Variants in KEL observed in about 807,000 individuals in gnomAD.
KEL encodes the protein kell blood group glycoprotein.
KEL carries 96 observed loss-of-function variants against 99.5 expected under a neutral mutation model. That is an observed-to-expected ratio of 0.97 (90% CI 0.82 to 1.14). KEL has a LOEUF of 1.14. Ranked by LOEUF, KEL falls within the 50% of genes most tolerant of loss-of-function variation. The pLI, the probability that KEL is intolerant of heterozygous loss-of-function variation, is 0.00. For missense variants in KEL, 926 were observed against 924.2 expected, an observed-to-expected ratio of 1.00 and a Z score of -0.03; for synonymous variants, 355 against 354.8, an observed-to-expected ratio of 1.00 and a Z score of -0.01.
chr7:142,953,200 G>C (rs917687197), intron 9 of KEL: 11 of 238,432 alleles, frequency 4.6e-5, no homozygotes, highest in Non-Finnish European at 6.8e-5. Context: ...AGGTATCAGG[G>C]GAGGCAGAGA....
chr7:142,957,879 A>T lies in KEL; in HGVS notation c.620T>A (p.Phe207Tyr). The T allele has an allele frequency of 1.9e-6, 3 of 1,614,122 alleles. No individual in the cohort carries two copies. Among genetic ancestry groups the T allele is most frequent in the Middle Eastern group, 1.7e-4 (1 of 6,058 alleles). The change falls in exon 6 of 19, where the codon TTC (phenylalanine) becomes TAC (tyrosine). Residue 207 changes from phenylalanine to tyrosine, a missense_variant. Transcript: ENST00000355265. Reference protein sequence around the residue: ...LMSQYGHFPFFRAYLGPHPAS... With the variant: ...LMSQYGHFPFYRAYLGPHPAS... Reference sequence around the variant, plus strand: ...AGGATGAGGTCCTAGGTAGGCTCTGAAGAAAGGGAAATGGCCATACTGACT... The same window carrying T: ...AGGATGAGGTCCTAGGTAGGCTCTGTAGAAAGGGAAATGGCCATACTGACT...
intron 15 of KEL, 30 bp from the exon 16 acceptor site, chr7:142,943,373 A>G (rs1201504356): frequency 2.7e-5 from 43 of 1,613,356 alleles, no homozygotes; most frequent in Non-Finnish European, 3.6e-5. Context: ...TTTGACCCCC[A>G]GAATCTCTCA....
At chr7:142,944,776 A>G in intron 11 of KEL, 35 bp from the exon 12 acceptor site, 1 of 1,528,192 alleles carries the variant, frequency 6.5e-7, no homozygotes, top group South Asian at 1.1e-5. Flanking sequence ...GGGGGACAGG[A>G]TCAGGAGAGG....
At chr7:142,952,233 A>G (rs1391544062) in intron 10 of KEL, among the ~76,000 whole-genome samples, 1 of 152,158 alleles carries the variant, frequency 6.6e-6, no homozygotes, top group Admixed American at 6.5e-5. Flanking sequence ...CAGTTTTGAT[A>G]ATATCAGAGT....
intron 8 of KEL, 112 bp from the exon 9 acceptor site, chr7:142,954,068 G>A (rs1043482983): frequency 1.2e-5 from 17 of 1,411,482 alleles, no homozygotes; most frequent in Non-Finnish European, 3.0e-6. Context: ...GGGAGGGGAT[G>A]GAGTCAGAGA....
chr7:142,948,899 G>GACACACACACACACACACACACAC (rs72104159), intron 10 of KEL, among the ~76,000 whole-genome samples: 1 of 142,208 alleles, frequency 7.0e-6, no homozygotes, highest in African/African-American at 2.6e-5. Context: ...AAGCTTCACA[G>GACACACACACACACACACACACAC]ACACACACAC....
chr7:142,942,146 T>C (rs1392314536), intron 18 of KEL: 4 of 505,332 alleles, frequency 7.9e-6, no homozygotes, highest in Non-Finnish European at 1.4e-5. Context: ...TTTGGGGGTA[T>C]GAGAGGAAAA....
At position 142,961,412 on chromosome 7, in the gene KEL, C is replaced by T; in HGVS notation, c.171G>A (p.Leu57=). 6.2e-7 allele frequency: 1 copy of T among 1,613,730 alleles called. No homozygotes were observed. Among genetic ancestry groups the T allele is most frequent in the Middle Eastern group, 1.8e-4 (1 of 5,680 alleles). ...ACAAAAGCACAGAAAAACAAAGGAGCAGGCCCAAAATCAGGATAGCTGTCA... is the reference window on the plus strand; with the variant it reads ...ACAAAAGCACAGAAAAACAAAGGAGTAGGCCCAAAATCAGGATAGCTGTCA... ...RVLTAILILG[L]LLCFSVLLFY... is the part of the protein sequence containing the mutation. Residue 57 remains leucine (L), a synonymous_variant, in exon 3 of 19, where the codon CTG becomes CTA. Coordinates refer to ENST00000355265, the MANE Select transcript of KEL (RefSeq NM_000420.3).
At chr7:142,951,662 CTAGCACACCAT>C in intron 10 of KEL, among the ~76,000 whole-genome samples, 1 of 152,286 alleles carries the variant, frequency 6.6e-6, no homozygotes, top group South Asian at 2.1e-4. Flanking sequence ...TTCAGAGTGT[CTAGCACACCAT>C]TAGCTCTTGA....
intron 10 of KEL, chr7:142,946,734 G>A (rs186387975): frequency 6.5e-4 from 163 of 249,878 alleles, no homozygotes; most frequent in African/African-American, 1.5e-3. Context: ...TGCTCAAAAC[G>A]GAGATTGCGG....
At position 142,961,394 on chromosome 7, in the gene KEL, C is replaced by T; in HGVS notation, c.189G>A (p.Val63=). 6.2e-7 allele frequency: 1 copy of T among 1,613,584 alleles called. No individual in the cohort carries two copies. The highest frequency in any genetic ancestry group is 1.1e-5 in the South Asian group (1 of 91,060). The change falls in exon 3 of 19, where the codon GTG becomes GTA. Residue 63 remains valine (V), a synonymous_variant. Transcript: ENST00000355265. ...AGTTCTGGAAGTTGTAGAACAAAAG[C>T]ACAGAAAAACAAAGGAGCAGGCCCA... ...LILGLLLCFS[V]LLFYNFQNCG...
At position 142,956,646 on chromosome 7, in the gene KEL, A is replaced by G. The variant is rs550530889; in HGVS notation, c.672+1181T>C. 2.7e-4 allele frequency among the ~76,000 whole-genome samples: 41 copies of G among 152,170 alleles called. 2 individuals carry two copies. The South Asian group carries it at 8.1e-3, about 30-fold the overall frequency. On this transcript the variant is annotated intron_variant, in intron 6 of 18. Transcript: ENST00000355265. ...GTCCTCCCCCTGGCTCAGCATTTCC[A>G]ACGCCCCATAGCTTCACCTCCACTT...
chr7:142,958,365 C>T lies in KEL; in HGVS notation c.464G>A (p.Cys155Tyr), dbSNP rs1338710626. 6.2e-7 allele frequency: 1 copy of T among 1,614,004 alleles called. No individual in the cohort carries two copies. Among genetic ancestry groups the T allele is most frequent in the Non-Finnish European group, 8.5e-7 (1 of 1,180,012 alleles). Reference protein sequence around the residue: ...EEKAFQFYNSCMDTLAIEAAG... With the variant: ...EEKAFQFYNSYMDTLAIEAAG... ...AGCTTCAATGGCAAGTGTATCCATG[C>T]AGGAGTTGTAGAACTGGAAGGCTTT... The change falls in exon 5 of 19, where the codon TGC (cysteine) becomes TAC (tyrosine). Residue 155 changes from cysteine (C) to tyrosine (Y), a missense_variant. Coordinates refer to ENST00000355265, the MANE Select transcript of KEL (RefSeq NM_000420.3).
intron 4 of KEL, among the ~76,000 whole-genome samples, chr7:142,960,467 G>A (rs1796929264): frequency 6.6e-6 from 1 of 152,172 alleles, no homozygotes; most frequent in South Asian, 2.1e-4. Flanking sequence ...TAGAGAATGA[G>A]AGTGATGGAC....
chr7:142,944,933 C>T, intron 11 of KEL, 192 bp from the exon 12 acceptor site: 1 of 637,260 alleles, frequency 1.6e-6, no homozygotes, highest in Non-Finnish European at 2.8e-6. Flanking sequence ...GCCAAGCCCA[C>T]AAAGGGAAGG....
In KEL at chr7:142,961,009, C is replaced by T. The variant is rs1398687812; in HGVS notation, c.319G>A (p.Ala107Thr). 6.2e-7 allele frequency: 1 copy of T among 1,614,186 alleles called. No individual in the cohort carries two copies. Among genetic ancestry groups the T allele is most frequent in the Non-Finnish European group, 8.5e-7 (1 of 1,180,034 alleles). ...VAPCTDFFSF[A>T]CGRAKETNNS... ...TTGGTCTCTTTGGCCCTTCCACAGG[C>T]AAAGCTGAAGAAGTCGGTGCAGGGG... is the stretch of plus-strand genomic sequence containing the variant. The change falls in exon 4 of 19, where the codon GCC becomes ACC. Residue 107 changes from alanine (A) to threonine (T), a missense_variant. Physicochemically the swap from Ala to Thr is moderately conservative, Grantham distance 58 (BLOSUM62 0). Transcript: ENST00000355265.
At chr7:142,955,195 G>T (rs1359953005) in intron 6 of KEL, among the ~76,000 whole-genome samples, 1 of 151,972 alleles carries the variant, frequency 6.6e-6, no homozygotes, top group Non-Finnish European at 1.5e-5. Context: ...CAGTAATCAA[G>T]ATAAATAATT....
intron 1 of KEL, 47 bp from the exon 2 acceptor site, chr7:142,961,919 A>G: frequency 6.2e-7 from 1 of 1,606,720 alleles, no homozygotes; most frequent in Non-Finnish European, 8.5e-7. Context: ...TGGTTCAGGA[A>G]ATGGTGCATT....
intron 12 of KEL, 23 bp downstream of exon 12, chr7:142,944,620 C>T (rs779362258): frequency 6.3e-7 from 1 of 1,585,090 alleles, no homozygotes; most frequent in Non-Finnish European, 8.7e-7. Context: ...GGCTCCCACA[C>T]CAGCCAGGAC....
Sources: gnomAD v4.1 joint callset for allele counts (sites outside exome capture counted in the v4.1 genomes callset) on GRCh38, gnomAD v4.1.1 for gene constraint, MANE v1.5 for transcripts, NCBI Gene and HGNC (gene_info 2026-07-23, HGNC 2026-07-21) for gene names.